TNIK: variants seen among roughly 807,000 people sequenced by gnomAD.
The protein encoded by TNIK is TRAF2 and NCK interacting kinase.
In TNIK, 49 loss-of-function variants were observed where a neutral mutation model predicts 191.3. The ratio of observed to expected loss-of-function variants is 0.26; its 90% CI spans 0.20 to 0.32. TNIK has a LOEUF of 0.32. Among genes scored for constraint, TNIK ranks in the 10% least tolerant of loss-of-function variants. TNIK has a pLI of 1.00. For missense variants in TNIK, 1,155 were observed against 1,702.3 expected (o/e 0.68, Z 5.66); for synonymous variants, 594 against 600.9 (o/e 0.99, Z 0.17).
chr3:171,101,727 A>C (rs944475291), intron 21 of TNIK, 94 bp from the exon 22 acceptor site: 2 of 1,294,824 alleles, frequency 1.5e-6, no homozygotes, highest in Non-Finnish European at 2.1e-6. Context: ...GCAACAAGAA[A>C]AAAAAAAGCT....
At chr3:171,458,410 T>C (rs1032257146) in intron 1 of TNIK, among the ~76,000 whole-genome samples, 1 of 152,152 alleles carries the variant, frequency 6.6e-6, no homozygotes, top group Non-Finnish European at 1.5e-5. Flanking sequence ...TAATAATGCA[T>C]GAATGAGCTT....
At chr3:171,095,297 T>G (rs1372925700) in intron 22 of TNIK, among the ~76,000 whole-genome samples, 1 of 152,134 alleles carries the variant, frequency 6.6e-6, no homozygotes, top group Non-Finnish European at 1.5e-5. Context: ...AGTGCCTCAT[T>G]TGCATGACAC....
chr3:171,436,263 A>G (rs1358889826), intron 1 of TNIK, among the ~76,000 whole-genome samples: 1 of 150,598 alleles, frequency 6.6e-6, no homozygotes, highest in East Asian at 1.9e-4. Flanking sequence ...TGGAGGCAGA[A>G]CCTAATACCT....
chr3:171,314,837 T>C (rs1231980183), intron 2 of TNIK, among the ~76,000 whole-genome samples: 1 of 151,756 alleles, frequency 6.6e-6, no homozygotes, highest in African/African-American at 2.4e-5. Context: ...AGAAGGGAGG[T>C]CAGGCCGCAC....
At position 171,146,844 on chromosome 3, in the gene TNIK, C is replaced by T. The variant is rs1289906097; in HGVS notation, c.1222-6335G>A. Among the ~76,000 whole-genome samples the T allele has an allele frequency of 2.7e-5, 4 of 145,894 alleles. No homozygotes were observed. In the East Asian group the frequency reaches 8.0e-4, roughly 29 times the overall value. On this transcript the variant is annotated intron_variant, in intron 12 of 32. Transcript: ENST00000436636. ...GGCGGAGGTTGCAGTGAGCTGAGATCGTGCCACTGTACGAGATTGTGCCTG... is the reference window on the plus strand; with the variant it reads ...GGCGGAGGTTGCAGTGAGCTGAGATTGTGCCACTGTACGAGATTGTGCCTG...
chr3:171,231,726 C>T (rs1743674485), intron 2 of TNIK, among the ~76,000 whole-genome samples: 1 of 152,140 alleles, frequency 6.6e-6, no homozygotes, highest in Non-Finnish European at 1.5e-5. Flanking sequence ...CTAAAGCTCA[C>T]TAGGAACCTG....
chr3:171,150,434 C>A (rs1281847461), intron 12 of TNIK, among the ~76,000 whole-genome samples: 1 of 152,150 alleles, frequency 6.6e-6, no homozygotes, highest in East Asian at 1.9e-4. Flanking sequence ...GTGAAAGGGT[C>A]ACTCGGAAGG....
At chr3:171,196,387 G>T (rs1434448980) in intron 4 of TNIK, among the ~76,000 whole-genome samples, 1 of 152,022 alleles carries the variant, frequency 6.6e-6, no homozygotes, top group Non-Finnish European at 1.5e-5. Context: ...TTTGGTATAA[G>T]AACGCATATT....
At chr3:171,228,035 G>T (rs972004415) in intron 3 of TNIK, 130 bp downstream of exon 3, 1 of 1,031,462 alleles carries the variant, frequency 9.7e-7, no homozygotes, top group Non-Finnish European at 1.5e-6. Context: ...TGTTCAACAG[G>T]TTATGTGTAT....
chr3:171,374,276 A>G (rs567516743), intron 1 of TNIK, among the ~76,000 whole-genome samples: 8 of 152,344 alleles, frequency 5.3e-5, no homozygotes, highest in African/African-American at 1.9e-4. Flanking sequence ...AAGCCCCTGT[A>G]GTATTCCCAG....
chr3:171,248,192 A>G (rs1330121215), intron 2 of TNIK, among the ~76,000 whole-genome samples: 1 of 152,232 alleles, frequency 6.6e-6, no homozygotes, highest in East Asian at 1.9e-4. Flanking sequence ...CAATGGCTCC[A>G]GTTTTTCTAA....
chr3:171,336,997 G>A (rs1048482248), intron 2 of TNIK, among the ~76,000 whole-genome samples: 3 of 152,108 alleles, frequency 2.0e-5, no homozygotes, highest in African/African-American at 7.2e-5. Context: ...TTCTGACACA[G>A]CTTCACCTCT....
At chr3:171,081,186 A>G (rs1176204618) in intron 27 of TNIK, among the ~76,000 whole-genome samples, 1 of 152,200 alleles carries the variant, frequency 6.6e-6, no homozygotes, top group Non-Finnish European at 1.5e-5. Flanking sequence ...AAATGGCAAT[A>G]CAAAAGGAAT....
In TNIK at chr3:171,253,596, C is replaced by A. The variant is rs139439209; in HGVS notation, c.124-25375G>T. Among the ~76,000 whole-genome samples the A allele has an allele frequency of 1.4e-4, 19 of 138,270 alleles. No homozygotes were observed. In the East Asian group the frequency reaches 2.9e-3, roughly 21 times the overall value. 90.7% of individuals were successfully genotyped at this position (138,270 alleles called of 152,430 possible). ...AAGAAATCAGAAGACAGGTCCCCCC[C>A]CCACCCCACCCCCAGTTATCTCAAA... is the stretch of plus-strand genomic sequence containing the variant. On this transcript the variant is annotated intron_variant, in intron 2 of 32. Coordinates refer to ENST00000436636, the MANE Select transcript of TNIK (RefSeq NM_015028.4).
At chr3:171,353,565 C>T (rs1234074038) in intron 2 of TNIK, among the ~76,000 whole-genome samples, 1 of 152,080 alleles carries the variant, frequency 6.6e-6, no homozygotes, top group Non-Finnish European at 1.5e-5. Flanking sequence ...GACACATTAA[C>T]AAGTAAAGAC....
intron 12 of TNIK, among the ~76,000 whole-genome samples, chr3:171,142,220 T>C (rs1730936178): frequency 6.6e-6 from 1 of 152,172 alleles, no homozygotes; most frequent in Non-Finnish European, 1.5e-5. Context: ...AATGACTTGA[T>C]CAGACTTGCA....
chr3:171,131,418 A>G (rs1393621592), intron 15 of TNIK, among the ~76,000 whole-genome samples: 1 of 146,980 alleles, frequency 6.8e-6, no homozygotes, highest in Non-Finnish European at 1.5e-5. Context: ...TTCACAGGCA[A>G]TGAATGGATT....
intron 1 of TNIK, among the ~76,000 whole-genome samples, chr3:171,453,416 G>GC (rs1278818832): frequency 2.0e-5 from 3 of 152,156 alleles, no homozygotes; most frequent in African/African-American, 7.2e-5. Flanking sequence ...AAGACAGAGC[G>GC]CCCCCTACAG....
chr3:171,385,033 A>G (rs1293725010), intron 1 of TNIK, among the ~76,000 whole-genome samples: 2 of 152,232 alleles, frequency 1.3e-5, no homozygotes, highest in Non-Finnish European at 2.9e-5. Context: ...AAGTAACACT[A>G]AAATACAACA....
Sources: allele counts gnomAD v4.1 joint callset (sites outside exome capture counted in the v4.1 genomes callset), GRCh38; gene constraint gnomAD v4.1.1; transcripts MANE v1.5; gene names NCBI Gene and HGNC (gene_info 2026-07-23, HGNC 2026-07-21).